INPP5F: variants seen among roughly 807,000 people sequenced by gnomAD.
INPP5F encodes the protein inositol polyphosphate-5-phosphatase F.
A neutral mutation model predicts 137.2 loss-of-function variants in INPP5F; 97 were observed. That is an observed-to-expected ratio of 0.71 (90% CI 0.60 to 0.84). The LOEUF (loss-of-function observed/expected upper bound fraction) is 0.84, where lower values mean the gene tolerates loss of function less well. Ranked by LOEUF, INPP5F falls within the 40% of genes least tolerant of loss-of-function variation. The pLI, the probability that INPP5F is intolerant of heterozygous loss-of-function variation, is 0.00. For synonymous variants in INPP5F, 504 were observed against 476.9 expected, an observed-to-expected ratio of 1.06 and a Z score of -0.74; for missense variants, 1,271 against 1,371.9, an observed-to-expected ratio of 0.93 and a Z score of 1.16.
intron 2 of INPP5F, among the ~76,000 whole-genome samples, chr10:119,763,295 C>T (rs557807467): frequency 3.9e-5 from 6 of 152,192 alleles, no homozygotes; most frequent in Non-Finnish European, 8.8e-5. Flanking sequence ...CACGGCTCTA[C>T]CCAGGAAGGG....
intron 16 of INPP5F, 22 bp from the exon 17 acceptor site, chr10:119,822,409 A>T: frequency 7.7e-7 from 1 of 1,302,982 alleles, no homozygotes; most frequent in Non-Finnish European, 1.1e-6. Context: ...ATCCTCTTTT[A>T]ACTTCATTTC....
Position 119,796,813 on chromosome 10 carries a change from A to C in INPP5F, c.768A>C (p.Lys256Asn), listed in dbSNP as rs758548836. The change falls in exon 7 of 20, where the codon AAA becomes AAC. Residue 256 changes from lysine to asparagine, a missense_variant. Coordinates refer to ENST00000650623, the MANE Select transcript of INPP5F (RefSeq NM_014937.4). ...VNYTESSDDE[K>N]SSPETPPQES... The stretch of plus-strand genomic sequence containing the variant: ...ATACCGAATCATCTGATGATGAGAA[A>C]AGCAGCCCAGAGACCCCCCCTCAGG... 1 of 1,613,520 alleles carries C rather than the reference A, an allele frequency of 6.2e-7. No individual in the cohort carries two copies. Among genetic ancestry groups the C allele is most frequent in the East Asian group, 2.2e-5 (1 of 44,876 alleles).
intron 1 of INPP5F, among the ~76,000 whole-genome samples, chr10:119,747,583 A>T (rs1453457812): frequency 6.6e-6 from 1 of 152,192 alleles, no homozygotes; most frequent in Non-Finnish European, 1.5e-5. Context: ...CAGAAATCTA[A>T]CTTGGTATGT....
At chr10:119,782,110 G>A (rs1849728044) in intron 3 of INPP5F, among the ~76,000 whole-genome samples, 1 of 152,192 alleles carries the variant, frequency 6.6e-6, no homozygotes, top group Non-Finnish European at 1.5e-5. Flanking sequence ...TTAGGGAAAA[G>A]GAGTGAGTTA....
chr10:119,822,558 G>C, intron 17 of INPP5F, 54 bp downstream of exon 17: 1 of 789,466 alleles, frequency 1.3e-6, no homozygotes, highest in Non-Finnish European at 2.1e-6. Context: ...TTGTTTCCAA[G>C]AGGGGGTCAA....
chr10:119,736,355 G>A (rs1848215538), intron 1 of INPP5F, among the ~76,000 whole-genome samples: 1 of 152,144 alleles, frequency 6.6e-6, no homozygotes, highest in South Asian at 2.1e-4. Flanking sequence ...TAATAGAGAT[G>A]GGTTCTCACT....
chr10:119,802,376 T>TTGGAAC (rs1400244805), intron 9 of INPP5F, among the ~76,000 whole-genome samples: 2 of 152,186 alleles, frequency 1.3e-5, no homozygotes, highest in East Asian at 3.9e-4. Flanking sequence ...TTAAGCCATG[T>TTGGAAC]TGGAACCGTC....
chr10:119,786,458 C>G (rs1292545046), intron 3 of INPP5F, among the ~76,000 whole-genome samples: 1 of 152,202 alleles, frequency 6.6e-6, no homozygotes, highest in Non-Finnish European at 1.5e-5. Flanking sequence ...TGAATTTAAC[C>G]TTTTCAGAAA....
chr10:119,794,392 A>G (rs1850252013), intron 6 of INPP5F, among the ~76,000 whole-genome samples: 1 of 152,208 alleles, frequency 6.6e-6, no homozygotes, highest in Non-Finnish European at 1.5e-5. Context: ...AGTGCAGAAC[A>G]AAATGAAAAG....
chr10:119,795,119 G>T (rs1314646583), intron 6 of INPP5F, among the ~76,000 whole-genome samples: 1 of 142,512 alleles, frequency 7.0e-6, no homozygotes, highest in African/African-American at 2.6e-5. Context: ...GCGGCTGGCC[G>T]GGCGGGGGGC....
At chr10:119,799,404 A>G (rs947295259) in intron 9 of INPP5F, 3 of 359,288 alleles carry the variant, frequency 8.3e-6, no homozygotes, top group African/African-American at 6.5e-5. Context: ...ACTGAAGAAC[A>G]CAACAGAAAA....
At chr10:119,743,448 G>A (rs752216248) in intron 1 of INPP5F, among the ~76,000 whole-genome samples, 1 of 151,966 alleles carries the variant, frequency 6.6e-6, no homozygotes, top group African/African-American at 2.4e-5. Context: ...TGCCGTGATG[G>A]GAATATGCAC....
chr10:119,771,858 ATATATATATATATATATATATATATT>A (rs1849349418), intron 2 of INPP5F, among the ~76,000 whole-genome samples: 1 of 8,032 alleles, frequency 1.2e-4, no homozygotes, highest in African/African-American at 4.3e-4. Context: ...ATATATATAT[ATATATATATATATATATATATATATT>A]TTTTTTTTTT....
chr10:119,815,728 A>T lies in INPP5F; in HGVS notation c.1886+3773A>T, dbSNP rs183586919. 90 of 226,660 alleles carry T rather than the reference A, an allele frequency of 4.0e-4. 1 individual carries two copies. The highest frequency in any genetic ancestry group is 1.9e-3 in the East Asian group (18 of 9,410). The allele number at this position is 226,660 out of a possible 1,614,324, so 14.0% of individuals were successfully genotyped here. On this transcript the variant is annotated intron_variant, in intron 15 of 19. Transcript: ENST00000650623. ...TGACGTGTTAATTGTCAAGAGGAGGAGGTAGAACACAGGACACAAGGGTCA... is the reference window on the plus strand; with the variant it reads ...TGACGTGTTAATTGTCAAGAGGAGGTGGTAGAACACAGGACACAAGGGTCA...
intron 16 of INPP5F, 137 bp downstream of exon 16, chr10:119,821,054 C>T (rs1851540544): frequency 4.8e-6 from 3 of 620,066 alleles, no homozygotes; most frequent in African/African-American, 1.8e-5. Flanking sequence ...AACCCCTTTA[C>T]CTTATATAAC....
At chr10:119,805,737 A>G (rs1564842726) in intron 11 of INPP5F, among the ~76,000 whole-genome samples, 1 of 152,220 alleles carries the variant, frequency 6.6e-6, no homozygotes, top group Non-Finnish European at 1.5e-5. Flanking sequence ...CCCACGGTCC[A>G]CATTTTCTCT....
intron 1 of INPP5F, among the ~76,000 whole-genome samples, chr10:119,745,945 G>T (rs755207838): frequency 5.3e-5 from 8 of 151,896 alleles, no homozygotes; most frequent in Non-Finnish European, 1.0e-4. Flanking sequence ...CCTGTGATCC[G>T]CCCGCCTTGG....
intron 1 of INPP5F, among the ~76,000 whole-genome samples, chr10:119,738,365 TA>T (rs1848273797): frequency 6.6e-6 from 1 of 152,220 alleles, no homozygotes; most frequent in Non-Finnish European, 1.5e-5. Context: ...CATTAGAGTA[TA>T]CCTTCTGAAG....
chr10:119,795,181 C>T (rs1240647390), intron 6 of INPP5F, among the ~76,000 whole-genome samples: 1 of 149,356 alleles, frequency 6.7e-6, no homozygotes, highest in African/African-American at 2.5e-5. Flanking sequence ...CAGAGGGGCT[C>T]CTCACTTCCC....
Sources: allele counts gnomAD v4.1 joint callset (sites outside exome capture counted in the v4.1 genomes callset), GRCh38; gene constraint gnomAD v4.1.1; transcripts MANE v1.5; gene names NCBI Gene and HGNC (gene_info 2026-07-23, HGNC 2026-07-21).